The following BBX variants were observed in gnomAD, a reference collection of about 807,000 sequenced individuals.
BBX encodes the protein BBX high mobility group box domain containing.
In BBX, 30 loss-of-function variants were observed where a neutral mutation model predicts 100.2. The ratio of observed to expected loss-of-function variants is 0.30; its 90% CI spans 0.22 to 0.41. BBX has a LOEUF of 0.41. Among genes scored for constraint, BBX ranks in the 10% least tolerant of loss-of-function variants. The pLI is 1.00. For missense variants in BBX, 1,023 were observed against 1,129.8 expected (o/e 0.91, Z 1.35); for synonymous variants, 376 against 388.1 (o/e 0.97, Z 0.37).
intron 7 of BBX, among the ~76,000 whole-genome samples, chr3:107,739,934 A>T (rs2063939022): frequency 6.6e-6 from 1 of 152,156 alleles, no homozygotes; most frequent in Admixed American, 6.6e-5. Context: ...CTGGACTTTC[A>T]TACTAGTGCT....
At chr3:107,774,636 A>G in intron 11 of BBX, 83 bp from the exon 12 acceptor site, 1 of 1,426,510 alleles carries the variant, frequency 7.0e-7, no homozygotes, top group Non-Finnish European at 9.6e-7. Flanking sequence ...CAAGCAGTCA[A>G]GAGGTTGCTC....
rs71113691 is a variant in BBX, at chr3:107,797,364, A to ATATATATATATATATATATATATG, written c.2354-1159_2354-1158insTATATATATATATATATATATATG. Among the ~76,000 whole-genome samples, 994 of 109,654 alleles carry ATATATATATATATATATATATATG rather than the reference A, an allele frequency of 9.1e-3. 93 individuals carry two copies. Among genetic ancestry groups the ATATATATATATATATATATATATG allele is most frequent in the Non-Finnish European group, 0.013 (664 of 53,098 alleles). The allele number at this position is 109,654 out of a possible 152,430, so 71.9% of individuals were successfully genotyped here. A position where few individuals can be genotyped will look rare whatever the true frequency, so the allele number is the denominator to read the frequency against. ...TATATATATATATATATATATATATAGCTTTATTGCCAATATCTACCTTCA... is the reference window on the plus strand; with the variant it reads ...TATATATATATATATATATATATATATATATATATATATATATATATATGGCTTTATTGCCAATATCTACCTTCA... On this transcript the variant is annotated intron_variant, in intron 15 of 17. Coordinates refer to ENST00000325805, the MANE Select transcript of BBX (RefSeq NM_001142568.3).
At chr3:107,642,477 C>T (rs949806962) in intron 2 of BBX, among the ~76,000 whole-genome samples, 4 of 152,132 alleles carry the variant, frequency 2.6e-5, no homozygotes, top group Admixed American at 6.5e-5. Context: ...AGGAAGCCAG[C>T]GGAAGGTTTT....
At chr3:107,554,852 T>A (rs2049969844) in intron 2 of BBX, among the ~76,000 whole-genome samples, 1 of 152,112 alleles carries the variant, frequency 6.6e-6, no homozygotes, top group Non-Finnish European at 1.5e-5. Flanking sequence ...GCAGATCACT[T>A]GAGGTCGGGA....
intron 2 of BBX, among the ~76,000 whole-genome samples, chr3:107,628,648 T>A (rs2056359558): frequency 6.6e-6 from 1 of 152,106 alleles, no homozygotes; most frequent in Admixed American, 6.6e-5. Context: ...CACAGAACAT[T>A]AGGACACGTG....
chr3:107,801,020 G>A, intron 16 of BBX, 75 bp from the exon 17 acceptor site: 1 of 1,400,376 alleles, frequency 7.1e-7, no homozygotes, highest in Non-Finnish European at 9.8e-7. Context: ...ATGTTGACTG[G>A]CACAGCGTTT....
intron 13 of BBX, among the ~76,000 whole-genome samples, chr3:107,786,596 A>C (rs1262202205): frequency 1.3e-5 from 2 of 152,162 alleles, no homozygotes; most frequent in African/African-American, 2.4e-5. Flanking sequence ...GAGTATCTAC[A>C]TTCAAATGAA....
chr3:107,608,152 C>G (rs1391384569), intron 2 of BBX, among the ~76,000 whole-genome samples: 1 of 152,088 alleles, frequency 6.6e-6, no homozygotes. Flanking sequence ...AAAGTCCTGG[C>G]AAGTTTCTCC....
intron 2 of BBX, among the ~76,000 whole-genome samples, chr3:107,573,724 ATCTC>A (rs966059161): frequency 6.6e-6 from 1 of 152,064 alleles, no homozygotes; most frequent in Admixed American, 6.6e-5. Context: ...CTAATTTAAA[ATCTC>A]TCTCTCTTTT....
At chr3:107,735,129 C>T (rs925535946) in intron 7 of BBX, among the ~76,000 whole-genome samples, 29 of 152,072 alleles carry the variant, frequency 1.9e-4, no homozygotes, top group Non-Finnish European at 4.3e-4. Flanking sequence ...TAAAATAATG[C>T]TGTCTCTAAA....
intron 2 of BBX, among the ~76,000 whole-genome samples, chr3:107,588,683 T>G (rs2053051698): frequency 6.6e-6 from 1 of 152,200 alleles, no homozygotes; most frequent in Non-Finnish European, 1.5e-5. Context: ...TTCTGTTCAT[T>G]GATGTTTTTA....
rs1448259258 is a variant in BBX, at chr3:107,774,856, G to T, written c.2053G>T (p.Gly685Cys). 6.2e-7 allele frequency: 1 copy of T among 1,612,970 alleles called. No individual in the cohort carries two copies. Among genetic ancestry groups the T allele is most frequent in the Non-Finnish European group, 8.5e-7 (1 of 1,179,362 alleles). The change falls in exon 12 of 18, where the codon GGC (glycine) becomes TGC (cysteine). Residue 685 changes from glycine (G) to cysteine (C), a missense_variant and splice_region_variant. Physicochemically the swap from Gly to Cys is radical, Grantham distance 159 (BLOSUM62 -3). Coordinates refer to ENST00000325805, the MANE Select transcript of BBX (RefSeq NM_001142568.3). ...AAAGCCAAAAGAAGACTGTCTCCTT[G>T]GGTAAGTGCCTGTGAGCACAGTCAC... ...KTKPKEDCLL[G>C]SAKLDEEFEK...
At chr3:107,531,175 T>C (rs1379704374) in intron 2 of BBX, among the ~76,000 whole-genome samples, 3 of 152,300 alleles carry the variant, frequency 2.0e-5, no homozygotes, top group Admixed American at 2.0e-4. Context: ...TTATGAGGTG[T>C]CTTGCATCTT....
chr3:107,630,230 AT>A (rs1158808485), intron 2 of BBX, among the ~76,000 whole-genome samples: 29 of 152,196 alleles, frequency 1.9e-4, no homozygotes, highest in Admixed American at 4.6e-4. Flanking sequence ...TTATCTGCAT[AT>A]TTTAAAGTGT....
At chr3:107,681,436 C>G (rs1315184215) in intron 3 of BBX, among the ~76,000 whole-genome samples, 1 of 151,986 alleles carries the variant, frequency 6.6e-6, no homozygotes, top group African/African-American at 2.4e-5. Context: ...ATCCCACAAC[C>G]CTACAAGGAG....
At chr3:107,674,238 T>C (rs1194972084) in intron 3 of BBX, among the ~76,000 whole-genome samples, 1 of 152,178 alleles carries the variant, frequency 6.6e-6, no homozygotes, top group Non-Finnish European at 1.5e-5. Flanking sequence ...AAACTGCCTT[T>C]TGATTCTTCT....
intron 2 of BBX, chr3:107,599,710 C>T (rs2053928793): frequency 6.6e-6 from 1 of 152,142 alleles, no homozygotes; most frequent in Non-Finnish European, 1.5e-5. Context: ...GTAATCCTTA[C>T]TTGAAACGTA....
At chr3:107,622,338 C>T (rs1227117921) in intron 2 of BBX, among the ~76,000 whole-genome samples, 1 of 152,100 alleles carries the variant, frequency 6.6e-6, no homozygotes, top group African/African-American at 2.4e-5. Flanking sequence ...TTTATTTACC[C>T]CTTGGGTTGT....
At chr3:107,554,106 G>A (rs911523891) in intron 2 of BBX, among the ~76,000 whole-genome samples, 1 of 152,192 alleles carries the variant, frequency 6.6e-6, no homozygotes, top group Non-Finnish European at 1.5e-5. Context: ...TTGAATACGC[G>A]TGTAGAGAAG....
Sources: gnomAD v4.1 joint callset for allele counts (sites outside exome capture counted in the v4.1 genomes callset) on GRCh38, gnomAD v4.1.1 for gene constraint, MANE v1.5 for transcripts, NCBI Gene and HGNC (gene_info 2026-07-23, HGNC 2026-07-21) for gene names.